PDE4DIP: variants seen among roughly 807,000 people sequenced by gnomAD.
The protein encoded by PDE4DIP is phosphodiesterase 4D interacting protein.
Under a neutral mutation model 221.4 loss-of-function variants are expected in PDE4DIP, and 59 were observed. The ratio of observed to expected loss-of-function variants is 0.27; its 90% CI spans 0.22 to 0.33. The LOEUF is 0.33. PDE4DIP is among the 10% of genes least tolerant of loss of function. The pLI, the probability that PDE4DIP is intolerant of heterozygous loss-of-function variation, is 1.00. For synonymous variants in PDE4DIP, 404 were observed against 815.9 expected (o/e 0.50, Z 8.60); for missense variants, 1,036 against 2,154.2 (o/e 0.48, Z 10.28).
intron 3 of PDE4DIP, among the ~76,000 whole-genome samples, chr1:148,876,752 G>A (rs71664029): frequency 5.9e-5 from 7 of 118,754 alleles, no homozygotes; most frequent in Admixed American, 2.5e-4. Flanking sequence ...GGCGGCTCAC[G>A]CCTGTAATTC....
intron 3 of PDE4DIP, among the ~76,000 whole-genome samples, chr1:148,879,842 TG>T (rs1467787393): frequency 2.1e-5 from 3 of 146,040 alleles, no homozygotes; most frequent in Admixed American, 1.3e-4. Context: ...TGATGTTGAT[TG>T]GACCAAAGTG....
intron 4 of PDE4DIP, among the ~76,000 whole-genome samples, chr1:148,933,605 G>T (rs1553472572): frequency 6.6e-6 from 1 of 152,112 alleles, no homozygotes; most frequent in Non-Finnish European, 1.5e-5. Flanking sequence ...AGGTGCATAA[G>T]ACTGTGGTGG....
intron 2 of PDE4DIP, 167 bp downstream of exon 5, chr1:148,929,440 T>G (rs671146): frequency 9.9e-7 from 1 of 1,010,262 alleles, no homozygotes; most frequent in East Asian, 2.8e-5. Context: ...CTTGGGCTCT[T>G]TCTCTATTAC....
At chr1:149,000,837 AAGTT>A (rs1414736033) in intron 23 of PDE4DIP, among the ~76,000 whole-genome samples, 2 of 151,604 alleles carry the variant, frequency 1.3e-5, no homozygotes, top group Non-Finnish European at 2.9e-5. Context: ...AGGCTCAAAA[AAGTT>A]AAGTGAATAG....
intron 3 of PDE4DIP, among the ~76,000 whole-genome samples, chr1:148,871,234 GA>G (rs1313090086): frequency 7.0e-5 from 4 of 57,160 alleles, no homozygotes; most frequent in African/African-American, 4.3e-4. Context: ...GATCTTGAGA[GA>G]AAATGTCTAC....
At chr1:148,932,420 CG>C in intron 4 of PDE4DIP, 132 bp downstream of exon 7, 1 of 1,207,334 alleles carries the variant, frequency 8.3e-7, no homozygotes, top group Non-Finnish European at 1.2e-6. Flanking sequence ...GGCCCACAAC[CG>C]AAGACATTCT....
At chr1:148,986,306 A>G (rs2061896219) in intron 21 of PDE4DIP, 1 of 152,176 alleles carries the variant, frequency 6.6e-6, no homozygotes, top group Admixed American at 6.6e-5. Context: ...CCATTTCCCT[A>G]CCAAAGCTGT....
At chr1:148,929,438 C>G (rs2047354402) in intron 2 of PDE4DIP, 165 bp downstream of exon 5, 3 of 1,033,648 alleles carry the variant, frequency 2.9e-6, no homozygotes, top group Non-Finnish European at 4.1e-6. Flanking sequence ...CCCTTGGGCT[C>G]TTTCTCTATT....
intron 1 of PDE4DIP, among the ~76,000 whole-genome samples, chr1:148,836,174 G>C (rs61379700): frequency 0.038 from 5,508 of 146,132 alleles, 37 homozygotes; most frequent in African/African-American, 0.14. Context: ...CTTGCAGTTC[G>C]ATCTCAGTCT....
rs1449296741 is a variant in PDE4DIP at position 148,952,390 on chromosome 1, G to A, written c.637-8264G>A. ...TTGAAATCTGATCCTCCATCCCCGA[G>A]GCTTTGCGTCTGCGCGGCCGGCCGC... On this transcript the variant is annotated intron_variant, in intron 5 of 43. Coordinates refer to ENST00000369354, the Ensembl canonical transcript of PDE4DIP. 10 of 1,081,586 alleles carry A rather than the reference G, an allele frequency of 9.2e-6. No individual in the cohort carries two copies. The South Asian group carries it at 2.1e-4, about 22-fold the overall frequency. The allele number at this position is 1,081,586 out of a possible 1,614,324, so 67.0% of individuals were successfully genotyped here.
intron 35 of PDE4DIP, among the ~76,000 whole-genome samples, chr1:149,019,820 T>C (rs1262736157): frequency 8.5e-5 from 13 of 152,100 alleles, no homozygotes; most frequent in African/African-American, 2.7e-4. Context: ...AAAAGAAATC[T>C]TGACGTTGAT....
intron 34 of PDE4DIP, chr1:149,018,199 G>T (rs376159489): frequency 2.6e-6 from 1 of 380,740 alleles, no homozygotes; most frequent in Non-Finnish European, 4.8e-6. Context: ...CTCTACCCTC[G>T]CCTCTTTACC....
intron 21 of PDE4DIP, among the ~76,000 whole-genome samples, chr1:148,989,930 A>G (rs1314566470): frequency 6.6e-6 from 1 of 152,170 alleles, no homozygotes; most frequent in Non-Finnish European, 1.5e-5. Context: ...ATCCTGAGTG[A>G]GATGGTTTCT....
chr1:149,005,166 C>T (rs782015629), exon 27 of PDE4DIP: 1 of 1,614,022 alleles, frequency 6.2e-7, no homozygotes, highest in South Asian at 1.1e-5. Context: ...GGTCCGGTCC[C>T]TCTCAGTTAC....
chr1:149,016,231 A>C, intron 32 of PDE4DIP, 68 bp from the exon 36 acceptor site: 1 of 1,336,790 alleles, frequency 7.5e-7, no homozygotes, highest in Non-Finnish European at 1.1e-6. Flanking sequence ...TAGCAATCAC[A>C]CACTTCCTTG....
chr1:148,892,310 T>C lies in PDE4DIP; in HGVS notation c.141+2416T>C, dbSNP rs1302462625. On this transcript the variant is annotated intron_variant, in intron 1 of 43. Transcript: ENST00000369354. ...GCGCCCCACCAGGATTTTTTTTTTT[T>C]TTAAAGCTGAATCAGATGGCTGTCT... Among the ~76,000 whole-genome samples, 3 of 123,640 alleles carry C rather than the reference T, an allele frequency of 2.4e-5. 1 individual carries two copies. The highest frequency in any genetic ancestry group is 4.9e-5 in the Non-Finnish European group (3 of 61,288). 81.1% of individuals were successfully genotyped at this position (123,640 alleles called of 152,430 possible).
At chr1:148,975,413 T>C (rs1367228536) in intron 17 of PDE4DIP, among the ~76,000 whole-genome samples, 3 of 148,698 alleles carry the variant, frequency 2.0e-5, no homozygotes, top group Non-Finnish European at 4.4e-5. Flanking sequence ...CCAATTATTA[T>C]AGACGAAGAA....
intron 21 of PDE4DIP, 175 bp downstream of exon 24, chr1:148,981,572 A>G (rs1466815087): frequency 2.7e-5 from 19 of 691,598 alleles, no homozygotes; most frequent in Non-Finnish European, 4.2e-5. Context: ...AGTAGCATCA[A>G]CTACAAAGTG....
Position 149,030,643 on chromosome 1 carries a change from C to CT in PDE4DIP, c.6999+367dup, listed in dbSNP as rs587736529. ...CTGAATGAGCTTCTAGTAGAGGGATCTTGAGGCCAGTTATGTGTTCTACTC... is the reference window on the plus strand; with the variant it reads ...CTGAATGAGCTTCTAGTAGAGGGATCTTTGAGGCCAGTTATGTGTTCTACTC... On this transcript the variant is annotated intron_variant, in intron 43 of 43. Transcript: ENST00000369354. The CT allele has an allele frequency of 6.9e-4, 557 of 812,390 alleles. 3 individuals carry two copies. In the African/African-American group the frequency reaches 9.4e-3, roughly 14 times the overall value. The allele number at this position is 812,390 out of a possible 1,614,324, so 50.3% of individuals were successfully genotyped here.
Sources: allele counts gnomAD v4.1 joint callset (sites outside exome capture counted in the v4.1 genomes callset), GRCh38; gene constraint gnomAD v4.1.1; transcripts MANE v1.5; gene names NCBI Gene and HGNC (gene_info 2026-07-23, HGNC 2026-07-21).